Variants in TMEM17 observed in about 807,000 individuals in gnomAD.
TMEM17 encodes transmembrane protein 17.
In TMEM17, 15 loss-of-function variants were observed where a neutral mutation model predicts 19.1. The observed-to-expected ratio is 0.78, with a 90% confidence interval of 0.52 to 1.21. The LOEUF (loss-of-function observed/expected upper bound fraction) is 1.21, where lower values mean the gene tolerates loss of function less well. Among genes scored for constraint, TMEM17 ranks in the 50% most tolerant of loss-of-function variants. The pLI is 0.00. For synonymous variants in TMEM17, 103 were observed against 86.9 expected (o/e 1.19, Z -1.03); for missense variants, 245 against 242.3 (o/e 1.01, Z -0.07).
the TMEM17 span, among the ~76,000 whole-genome samples, chr2:62,488,873 TA>T: frequency 1.2e-4 from 18 of 146,250 alleles, no homozygotes; most frequent in Non-Finnish European, 2.5e-4. Context: ...GGGTCAGATT[TA>T]AAAAAAAAGC....
chr2:62,496,861 G>C (rs1482475521), downstream of TMEM17, among the ~76,000 whole-genome samples: 2 of 152,204 alleles, frequency 1.3e-5, no homozygotes, highest in Admixed American at 1.3e-4. Flanking sequence ...ACCTTAGGAG[G>C]CTGAGGCAGA....
chr2:62,464,804 A>T, the TMEM17 span, among the ~76,000 whole-genome samples: 1 of 152,164 alleles, frequency 6.6e-6, no homozygotes, highest in African/African-American at 2.4e-5. Context: ...CCAGAGATGA[A>T]ATCATAGGGA....
chr2:62,491,137 T>A, the TMEM17 span: 2 of 131,514 alleles, frequency 1.5e-5, no homozygotes, highest in Non-Finnish European at 3.2e-5. Context: ...ATCTTACTCA[T>A]CATAGAATCC....
At chr2:62,482,599 C>A in the TMEM17 span, among the ~76,000 whole-genome samples, 5 of 152,134 alleles carry the variant, frequency 3.3e-5, no homozygotes, top group African/African-American at 1.2e-4. Flanking sequence ...AATGAATGGT[C>A]CATCGATAGG....
At chr2:62,466,271 TG>T in the TMEM17 span, among the ~76,000 whole-genome samples, 2 of 151,974 alleles carry the variant, frequency 1.3e-5, no homozygotes, top group African/African-American at 2.4e-5. Context: ...GCTGGTGCTC[TG>T]GGGTGGGAGG....
the TMEM17 span, among the ~76,000 whole-genome samples, chr2:62,460,596 A>AT: frequency 1.3e-5 from 2 of 152,212 alleles, no homozygotes; most frequent in Non-Finnish European, 2.9e-5. Context: ...TTTTAAAAAA[A>AT]TTTTTATCCA....
At chr2:62,490,819 G>A in the TMEM17 span, among the ~76,000 whole-genome samples, 1 of 152,106 alleles carries the variant, frequency 6.6e-6, no homozygotes, top group African/African-American at 2.4e-5. Context: ...GCTCACGCCT[G>A]TAATCCTGTC....
chr2:62,457,918 T>G, the TMEM17 span, among the ~76,000 whole-genome samples: 3 of 152,192 alleles, frequency 2.0e-5, no homozygotes, highest in African/African-American at 7.2e-5. This position sits in a 1 kb window ranked among gnomAD's most constrained non-coding sequence, Gnocchi z 4.2. Context: ...TCCTCATGGC[T>G]TATGTCTCTA....
the TMEM17 span, among the ~76,000 whole-genome samples, chr2:62,462,657 A>G: frequency 1.3e-5 from 2 of 152,168 alleles, no homozygotes; most frequent in Non-Finnish European, 2.9e-5. Context: ...TCGAGGCTAC[A>G]TTTCCTACCA....
At chr2:62,492,429 A>G in the TMEM17 span, among the ~76,000 whole-genome samples, 1 of 152,242 alleles carries the variant, frequency 6.6e-6, no homozygotes, top group Non-Finnish European at 1.5e-5. Context: ...TGTTATTTGC[A>G]TGAGTTTTGG....
the TMEM17 span, among the ~76,000 whole-genome samples, chr2:62,460,621 G>A: frequency 0.011 from 1,693 of 152,268 alleles, 34 homozygotes; most frequent in African/African-American, 0.039. Flanking sequence ...ATGTATAAAA[G>A]GTTGCTCAGA....
At chr2:62,468,240 C>A in the TMEM17 span, among the ~76,000 whole-genome samples, 1 of 152,130 alleles carries the variant, frequency 6.6e-6, no homozygotes, top group Non-Finnish European at 1.5e-5. Flanking sequence ...AAAGAGGCTG[C>A]GGTTTGGCCC....
the TMEM17 span, among the ~76,000 whole-genome samples, chr2:62,476,009 G>C: frequency 6.6e-6 from 1 of 152,192 alleles, no homozygotes; most frequent in Non-Finnish European, 1.5e-5. Flanking sequence ...TGTGTTCCCA[G>C]GACCTACCAC....
At chr2:62,480,253 T>C in the TMEM17 span, among the ~76,000 whole-genome samples, 1 of 152,288 alleles carries the variant, frequency 6.6e-6, no homozygotes, top group Admixed American at 6.5e-5. Flanking sequence ...GCCCATTTTT[T>C]AATGAAAAAA....
At chr2:62,464,209 GC>G in the TMEM17 span, 1 of 152,388 alleles carries the variant, frequency 6.6e-6, no homozygotes, top group Non-Finnish European at 1.5e-5. Flanking sequence ...GAGGTAAAGG[GC>G]CCACTGAGCT....
At chr2:62,487,854 C>T in the TMEM17 span, among the ~76,000 whole-genome samples, 1,313 of 152,234 alleles carry the variant, frequency 8.6e-3, 10 homozygotes, top group Non-Finnish European at 0.013. Context: ...CCACCATGCC[C>T]GGCTAATTTT....
intron 1 of TMEM17, 133 bp downstream of exon 1, chr2:62,505,897 C>G (rs1680057039): frequency 2.2e-6 from 2 of 893,328 alleles, no homozygotes; most frequent in Non-Finnish European, 3.4e-6. Flanking sequence ...TCCTCCAAGG[C>G]GCTCTCCCGC....
the TMEM17 span, among the ~76,000 whole-genome samples, chr2:62,466,517 G>C: frequency 2.0e-5 from 3 of 152,208 alleles, no homozygotes; most frequent in Non-Finnish European, 4.4e-5. Flanking sequence ...GGCCACATGA[G>C]GAGACAGAAA....
chr2:62,458,968 A>G, the TMEM17 span, among the ~76,000 whole-genome samples: 10 of 152,236 alleles, frequency 6.6e-5, no homozygotes, highest in Non-Finnish European at 1.5e-5. Context: ...ACAATCTATT[A>G]TGAATAAAGC....
Sources: gnomAD v4.1 joint callset for allele counts (sites outside exome capture counted in the v4.1 genomes callset) on GRCh38, gnomAD v4.1.1 for gene constraint, Gnocchi (gnomAD v3.1) non-coding constraint, MANE v1.5 for transcripts, NCBI Gene and HGNC (gene_info 2026-07-23, HGNC 2026-07-21) for gene names.